The following ZNF729 variants were observed in gnomAD, a reference collection of about 807,000 sequenced individuals.
The protein encoded by ZNF729 is zinc finger protein 729.
A neutral mutation model predicts 12.2 loss-of-function variants in ZNF729; 15 were observed. That is an observed-to-expected ratio of 1.23 (90% confidence interval 0.82 to 1.89). ZNF729 has a LOEUF of 1.89. Among genes scored for constraint, ZNF729 ranks in the 40% most tolerant of loss-of-function variants. The pLI is 0.00. For missense variants in ZNF729, 1,540 were observed against 1,456.7 expected (o/e 1.06, Z -0.93); for synonymous variants, 492 against 476.3 (o/e 1.03, Z -0.43).
At chr19:22,307,683 T>C (rs1311147821) in intron 3 of ZNF729, among the ~76,000 whole-genome samples, 1 of 147,254 alleles carries the variant, frequency 6.8e-6, no homozygotes, top group Non-Finnish European at 1.5e-5. Context: ...GTGGAGGTTG[T>C]GGTGAGCCGA....
At chr19:22,294,657 C>CTTTT (rs71180535) in intron 1 of ZNF729, among the ~76,000 whole-genome samples, 3 of 92,440 alleles carry the variant, frequency 3.2e-5, no homozygotes, top group African/African-American at 8.1e-5. Context: ...TTTTCTTTTT[C>CTTTT]TTTTTTTTTT....
At chr19:22,299,625 G>A (rs1206658697) in intron 1 of ZNF729, 1 of 152,998 alleles carries the variant, frequency 6.5e-6, no homozygotes, top group African/African-American at 2.4e-5. Flanking sequence ...AATGCTTTGG[G>A]TGTCTGCACT....
intron 1 of ZNF729, among the ~76,000 whole-genome samples, chr19:22,289,905 A>G (rs1040101953): frequency 6.6e-6 from 1 of 152,178 alleles, no homozygotes; most frequent in African/African-American, 2.4e-5. Context: ...TTTTTAATGG[A>G]AATAGTAAAA....
chr19:22,317,112 T>G lies in ZNF729; in HGVS notation c.3695T>G (p.Leu1232Arg). Residue 1232 changes from leucine (L) to arginine (R), a missense_variant, in exon 4 of 4, where the codon CTA becomes CGA. Leu to Arg is a moderately radical substitution (Grantham distance 102). Coordinates refer to ENST00000601693, the MANE Select transcript of ZNF729 (RefSeq NM_001242680.2). ...CTTTTAAGCAATCCTCACACCTTAC[T>G]AGACAAAACAATTCATACTGGAGAG... ...PKLLSNPHTLLDKTIHTGEKP... is the reference protein window; with the variant it reads ...PKLLSNPHTLRDKTIHTGEKP... 1 of 1,597,614 alleles carries G rather than the reference T, an allele frequency of 6.3e-7. No individual in the cohort carries two copies. The highest frequency in any genetic ancestry group is 1.1e-5 in the South Asian group (1 of 90,000).
chr19:22,302,870 A>C lies in ZNF729; in HGVS notation c.31-888A>C, dbSNP rs974281223. Among the ~76,000 whole-genome samples the C allele has an allele frequency of 1.4e-4, 22 of 152,194 alleles. No individual in the cohort carries two copies. In the East Asian group the frequency reaches 4.3e-3, roughly 29 times the overall value. On this transcript the variant is annotated intron_variant, in intron 1 of 3. Coordinates refer to ENST00000601693, the MANE Select transcript of ZNF729 (RefSeq NM_001242680.2). ...AGTGGCGCAATCTCAGCTCACTGCA[A>C]CCTCCACCTCCTGAGTTCAAGTGAT...
intron 1 of ZNF729, among the ~76,000 whole-genome samples, chr19:22,296,565 G>A (rs185822796): frequency 1.3e-4 from 19 of 151,492 alleles, no homozygotes; most frequent in Admixed American, 5.9e-4. Flanking sequence ...GATTTATCTC[G>A]GATTTCTTGT....
At chr19:22,297,864 G>T (rs1968249561) in intron 1 of ZNF729, among the ~76,000 whole-genome samples, 1 of 151,754 alleles carries the variant, frequency 6.6e-6, no homozygotes, top group African/African-American at 2.4e-5. Flanking sequence ...AATTAGCTCG[G>T]CATGGTTGTG....
intron 1 of ZNF729, among the ~76,000 whole-genome samples, chr19:22,292,195 C>T (rs1011128631): frequency 2.0e-5 from 3 of 152,146 alleles, no homozygotes; most frequent in African/African-American, 7.2e-5. Context: ...CTTTGTCCTC[C>T]ATCCTCCACC....
In ZNF729 at chr19:22,315,691, T is replaced by A. The variant is rs1386838191; in HGVS notation, c.2274T>A (p.His758Gln). ...SFKHFSALRK[H>Q]KVIHTREKLY... ...AGCATTTCTCAGCCCTTAGAAAACA[T>A]AAGGTAATTCATACTAGGGAGAAAT... The change falls in exon 4 of 4, where the codon CAT (histidine) becomes CAA (glutamine). Residue 758 changes from histidine (H) to glutamine (Q), a missense_variant. Physicochemically the swap from His to Gln is conservative, Grantham distance 24. Transcript: ENST00000601693. 6.2e-7 allele frequency: 1 copy of A among 1,606,448 alleles called. No homozygotes were observed. Among genetic ancestry groups the A allele is most frequent in the African/African-American group, 1.3e-5 (1 of 74,508 alleles).
At position 22,314,121 on chromosome 19, in the gene ZNF729, C is replaced by A; in HGVS notation, c.704C>A (p.Pro235His). The A allele has an allele frequency of 6.4e-7, 1 of 1,551,628 alleles. No individual in the cohort carries two copies. ...KHKIIHTEDK[P>H]YKYKKCGNAF... Reference sequence around the variant, plus strand: ...AAGATAATTCATACTGAAGACAAACCTTACAAATATAAGAAATGTGGCAAT... The same window carrying A: ...AAGATAATTCATACTGAAGACAAACATTACAAATATAAGAAATGTGGCAAT... Residue 235 changes from proline to histidine, a missense_variant, in exon 4 of 4, where the codon CCT (proline) becomes CAT (histidine). Transcript: ENST00000601693.
At chr19:22,301,676 G>A (rs77731259) in intron 1 of ZNF729, among the ~76,000 whole-genome samples, 6,635 of 141,382 alleles carry the variant, frequency 0.047, no homozygotes, top group South Asian at 0.06. Flanking sequence ...CTTTTCCAGT[G>A]ACCTGTTACA....
At chr19:22,299,147 A>G (rs1197023651) in intron 1 of ZNF729, 1 of 152,162 alleles carries the variant, frequency 6.6e-6, no homozygotes, top group Non-Finnish European at 1.5e-5. Context: ...GTAGCTGTGC[A>G]CTTTGGTTGT....
At chr19:22,289,140 A>C (rs763986795) in intron 1 of ZNF729, among the ~76,000 whole-genome samples, 12 of 152,184 alleles carry the variant, frequency 7.9e-5, no homozygotes, top group Non-Finnish European at 1.6e-4. Flanking sequence ...AGGGATTGAA[A>C]GAAAGATAAG....
intron 3 of ZNF729, among the ~76,000 whole-genome samples, chr19:22,310,480 CCTTT>C (rs1290936172): frequency 6.6e-6 from 1 of 151,858 alleles, no homozygotes; most frequent in Non-Finnish European, 1.5e-5. Context: ...TGTTTTTATT[CCTTT>C]CTATGTGGTG....
intron 1 of ZNF729, among the ~76,000 whole-genome samples, chr19:22,289,553 T>C (rs1344563446): frequency 6.6e-6 from 1 of 152,142 alleles, no homozygotes; most frequent in African/African-American, 2.4e-5. Context: ...TTTCTCAGAA[T>C]GAGTTTAGGA....
chr19:22,306,453 A>G (rs192610106), intron 3 of ZNF729, among the ~76,000 whole-genome samples: 1 of 150,456 alleles, frequency 6.6e-6, no homozygotes, highest in East Asian at 1.9e-4. Context: ...AAAAAAAAGA[A>G]AAGAAAAGAA....
intron 1 of ZNF729, among the ~76,000 whole-genome samples, chr19:22,301,861 AG>A (rs1223690564): frequency 1.3e-5 from 2 of 152,306 alleles, no homozygotes; most frequent in Admixed American, 1.3e-4. Flanking sequence ...CTTACCCAAG[AG>A]CTAGCAAATC....
intron 1 of ZNF729, among the ~76,000 whole-genome samples, chr19:22,292,547 T>C (rs1326073966): frequency 6.8e-6 from 1 of 146,236 alleles, no homozygotes; most frequent in Non-Finnish European, 1.5e-5. Flanking sequence ...CAAGCAATTC[T>C]TCTACCTCAG....
intron 1 of ZNF729, among the ~76,000 whole-genome samples, chr19:22,301,745 C>T (rs1292389239): frequency 6.6e-6 from 1 of 152,310 alleles, no homozygotes; most frequent in Non-Finnish European, 1.5e-5. Context: ...TAAGTATAAA[C>T]AGGCATCTTA....
Sources: allele counts gnomAD v4.1 joint callset (sites outside exome capture counted in the v4.1 genomes callset), GRCh38; gene constraint gnomAD v4.1.1; transcripts MANE v1.5; gene names NCBI Gene and HGNC (gene_info 2026-07-23, HGNC 2026-07-21).